The following CNTNAP2 variants were observed in gnomAD, a reference collection of about 807,000 sequenced individuals.
The protein encoded by CNTNAP2 is contactin associated protein 2.
CNTNAP2 carries 98 observed loss-of-function variants against 155.2 expected under a neutral mutation model. The ratio of observed to expected loss-of-function variants is 0.63; its 90% CI spans 0.54 to 0.75. The LOEUF is 0.75. CNTNAP2 is among the 30% of genes least tolerant of loss of function. CNTNAP2 has a pLI of 0.00. For synonymous variants in CNTNAP2, 651 were observed against 631.2 expected (o/e 1.03, Z -0.47); for missense variants, 1,727 against 1,688.1 (o/e 1.02, Z -0.40).
At chr7:147,877,483 G>C (rs767129267) in intron 13 of CNTNAP2, among the ~76,000 whole-genome samples, 4 of 152,156 alleles carry the variant, frequency 2.6e-5, no homozygotes, top group African/African-American at 9.7e-5. Context: ...ATTTGAAACC[G>C]AAGTAAATAT....
intron 21 of CNTNAP2, among the ~76,000 whole-genome samples, chr7:148,349,129 A>G (rs1205936489): frequency 6.6e-6 from 1 of 152,198 alleles, no homozygotes; most frequent in Admixed American, 6.5e-5. Context: ...ACAGCAAACA[A>G]GAACAAACAA....
chr7:148,242,928 A>G (rs1486039489), intron 20 of CNTNAP2, among the ~76,000 whole-genome samples: 1 of 152,124 alleles, frequency 6.6e-6, no homozygotes, highest in East Asian at 1.9e-4. Flanking sequence ...CTTTCCTCTT[A>G]TATCTTTGAG....
intron 8 of CNTNAP2, among the ~76,000 whole-genome samples, chr7:147,221,258 AT>A (rs1266450894): frequency 1.3e-5 from 2 of 152,144 alleles, no homozygotes; most frequent in African/African-American, 4.8e-5. Context: ...AATTAAATAC[AT>A]TTTTCATGGT....
At chr7:148,241,520 T>C (rs1264158448) in intron 20 of CNTNAP2, among the ~76,000 whole-genome samples, 1 of 152,178 alleles carries the variant, frequency 6.6e-6, no homozygotes, top group East Asian at 1.9e-4. Flanking sequence ...AAGTATAAGC[T>C]TGTGCTGTGG....
chr7:148,056,123 G>A (rs1369457760), intron 15 of CNTNAP2, among the ~76,000 whole-genome samples: 1 of 152,132 alleles, frequency 6.6e-6, no homozygotes, highest in Non-Finnish European at 1.5e-5. Flanking sequence ...CTGTTCCCTC[G>A]CAAATTTTAG....
At chr7:147,450,851 T>C (rs1262999921) in intron 10 of CNTNAP2, among the ~76,000 whole-genome samples, 1 of 152,260 alleles carries the variant, frequency 6.6e-6, no homozygotes, top group African/African-American at 2.4e-5. Flanking sequence ...TAATTTTCTA[T>C]GTATTTGTCT....
chr7:148,362,639 C>G (rs956782177), intron 21 of CNTNAP2, among the ~76,000 whole-genome samples: 1 of 152,178 alleles, frequency 6.6e-6, no homozygotes. Flanking sequence ...GGGAGCACAG[C>G]ACTACCTAAG....
intron 21 of CNTNAP2, among the ~76,000 whole-genome samples, chr7:148,286,674 T>C (rs191735380): frequency 5.6e-4 from 85 of 152,322 alleles, no homozygotes; most frequent in African/African-American, 1.9e-3. Flanking sequence ...TTAATGATAA[T>C]ACAAAGGAAG....
intron 8 of CNTNAP2, among the ~76,000 whole-genome samples, chr7:147,277,356 G>A (rs1804920007): frequency 6.6e-6 from 1 of 151,904 alleles, no homozygotes; most frequent in African/African-American, 2.4e-5. Context: ...ATTCAGAAAA[G>A]GAGTAGAAGC....
chr7:147,329,955 C>A (rs826789), intron 9 of CNTNAP2, among the ~76,000 whole-genome samples: 1 of 151,778 alleles, frequency 6.6e-6, no homozygotes, highest in African/African-American at 2.4e-5. Context: ...ATATATTTGG[C>A]CTTTGGCTCT....
chr7:146,430,586 A>G (rs1295021350), intron 1 of CNTNAP2, among the ~76,000 whole-genome samples: 1 of 152,044 alleles, frequency 6.6e-6, no homozygotes, highest in African/African-American at 2.4e-5. Context: ...AGGATCTCAG[A>G]ACAATTAATC....
At chr7:148,208,070 C>G (rs1795482278) in intron 18 of CNTNAP2, among the ~76,000 whole-genome samples, 1 of 144,858 alleles carries the variant, frequency 6.9e-6, no homozygotes, top group Admixed American at 7.0e-5. Context: ...GCCTGGGCGA[C>G]AGAGCGAGAC....
chr7:146,136,931 C>G (rs1404268168), intron 1 of CNTNAP2, among the ~76,000 whole-genome samples: 1 of 152,086 alleles, frequency 6.6e-6, no homozygotes, highest in Non-Finnish European at 1.5e-5. Flanking sequence ...GTTTTAGCAC[C>G]AAGTTGTGTG....
In CNTNAP2 at chr7:147,282,534, T is replaced by C. The variant is rs141421432; in HGVS notation, c.1349-17607T>C. Among the ~76,000 whole-genome samples, 940 of 151,882 alleles carry C rather than the reference T, an allele frequency of 6.2e-3. 9 individuals carry two copies. Among genetic ancestry groups the C allele is most frequent in the Non-Finnish European group, 7.0e-3 (478 of 67,870 alleles). ...AACCATCTGGTTATACTTTTTAGTC[T>C]AAGGCATACAGAGATGGTGAATTTA... On this transcript the variant is annotated intron_variant, in intron 8 of 23. Coordinates refer to ENST00000361727, the MANE Select transcript of CNTNAP2 (RefSeq NM_014141.6).
chr7:147,818,474 TGTAATGAGTGCCAA>T (rs1372763127), intron 13 of CNTNAP2, among the ~76,000 whole-genome samples: 1 of 152,186 alleles, frequency 6.6e-6, no homozygotes, highest in Non-Finnish European at 1.5e-5. Context: ...AGAAGACTGA[TGTAATGAGTGCCAA>T]GTGATGGATG....
At chr7:146,788,203 TG>T (rs1802610341) in intron 2 of CNTNAP2, among the ~76,000 whole-genome samples, 1 of 152,058 alleles carries the variant, frequency 6.6e-6, no homozygotes, top group African/African-American at 2.4e-5. Context: ...CCGTGTGGCC[TG>T]AGAGCAGAGG....
intron 15 of CNTNAP2, among the ~76,000 whole-genome samples, chr7:148,055,779 C>T (rs1317940267): frequency 7.3e-6 from 1 of 136,280 alleles, no homozygotes; most frequent in Non-Finnish European, 1.6e-5. Flanking sequence ...AAAAGCATTG[C>T]AGTAGAGACT....
chr7:147,842,582 CTTTTCTTTTTT>C (rs1415287680), intron 13 of CNTNAP2, among the ~76,000 whole-genome samples: 1,260 of 55,148 alleles, frequency 0.023, 49 homozygotes, highest in Admixed American at 0.17. Context: ...TTACTTTTTA[CTTTTCTTTTTT>C]TTTTTTTTTT....
At position 146,946,103 on chromosome 7, in the gene CNTNAP2, TTTCC is replaced by T. The variant is rs780509218; in HGVS notation, c.403-97788_403-97785del. On this transcript the variant is annotated intron_variant, in intron 3 of 23. Coordinates refer to ENST00000361727, the MANE Select transcript of CNTNAP2 (RefSeq NM_014141.6). ...CTTCCTTCCTTCCTTCCTTTCCTTC[TTTCC>T]TTCCTTCCTTCCTTCTTTCCTTCCT... Among the ~76,000 whole-genome samples, 150 of 147,610 alleles carry T rather than the reference TTTCC, an allele frequency of 1.0e-3. 1 individual carries two copies. The highest frequency in any genetic ancestry group is 1.6e-3 in the East Asian group (8 of 5,106).
Sources: gnomAD v4.1 joint callset for allele counts (sites outside exome capture counted in the v4.1 genomes callset) on GRCh38, gnomAD v4.1.1 for gene constraint, MANE v1.5 for transcripts, NCBI Gene and HGNC (gene_info 2026-07-23, HGNC 2026-07-21) for gene names.